The following BAALC variants were observed in gnomAD, a reference collection of about 807,000 sequenced individuals.
BAALC encodes BAALC binder of MAP3K1 and KLF4, also known as brain and acute leukemia cytoplasmic protein.
Under a neutral mutation model 15.5 loss-of-function variants are expected in BAALC, and 9 were observed. The ratio of observed to expected loss-of-function variants is 0.58; its 90% CI spans 0.35 to 1.02. The LOEUF is 1.02. Among genes scored for constraint, BAALC ranks in the 50% least tolerant of loss-of-function variants. The pLI is 0.02. For synonymous variants in BAALC, 80 were observed against 74.6 expected, an observed-to-expected ratio of 1.07 and a Z score of -0.37; for missense variants, 201 against 192.4, an observed-to-expected ratio of 1.04 and a Z score of -0.27.
chr8:103,197,952 A>G (rs1006630137), intron 1 of BAALC: 3 of 563,940 alleles, frequency 5.3e-6, no homozygotes, highest in African/African-American at 3.8e-5. Flanking sequence ...ATCAGCCTTC[A>G]TCCCAACGAT....
chr8:103,208,195 A>G (rs1812371779), intron 1 of BAALC: 1 of 152,268 alleles, frequency 6.6e-6, no homozygotes, highest in Admixed American at 6.5e-5. Flanking sequence ...AATCAGTGCA[A>G]TATGTGTGCA....
chr8:103,223,885 C>T (rs1420475747), intron 2 of BAALC, among the ~76,000 whole-genome samples: 1 of 152,136 alleles, frequency 6.6e-6, no homozygotes, highest in Non-Finnish European at 1.5e-5. Context: ...CTCTTACCTC[C>T]CACCAATTTG....
intron 1 of BAALC, among the ~76,000 whole-genome samples, chr8:103,153,564 A>T (rs1477211761): frequency 6.6e-6 from 1 of 152,232 alleles, no homozygotes; most frequent in Non-Finnish European, 1.5e-5. Flanking sequence ...CGTGAAATGC[A>T]TGGTGGACAT....
chr8:103,224,279 G>C (rs915113941), intron 2 of BAALC, among the ~76,000 whole-genome samples: 1 of 152,118 alleles, frequency 6.6e-6, no homozygotes, highest in African/African-American at 2.4e-5. Flanking sequence ...CACACCCTCA[G>C]GAGGTCCCGA....
intron 1 of BAALC, among the ~76,000 whole-genome samples, chr8:103,197,630 G>T (rs1812124230): frequency 2.6e-5 from 4 of 152,178 alleles, no homozygotes; most frequent in Admixed American, 2.6e-4. Flanking sequence ...TTGGCTCATG[G>T]TTCTGCAGGC....
chr8:103,220,885 G>A (rs2130088042), intron 2 of BAALC, among the ~76,000 whole-genome samples: 1 of 152,290 alleles, frequency 6.6e-6, no homozygotes, highest in South Asian at 2.1e-4. Context: ...CATAATCTCA[G>A]AAGCCATGTT....
chr8:103,178,410 T>C (rs980598887), intron 1 of BAALC, among the ~76,000 whole-genome samples: 7 of 152,162 alleles, frequency 4.6e-5, no homozygotes, highest in African/African-American at 1.7e-4. Flanking sequence ...TGGGGAAATC[T>C]AAATAGGACG....
chr8:103,200,659 T>C (rs1364358939), intron 1 of BAALC: 25 of 694,378 alleles, frequency 3.6e-5, no homozygotes, highest in Non-Finnish European at 1.3e-5. Flanking sequence ...TTCTCACAGT[T>C]CTGGAGGCTG....
At chr8:103,160,491 G>T (rs537241783) in intron 1 of BAALC, among the ~76,000 whole-genome samples, 2 of 152,270 alleles carry the variant, frequency 1.3e-5, no homozygotes, top group Admixed American at 1.3e-4. Context: ...TGTTTTTAAA[G>T]ATTTTTTGGG....
chr8:103,218,523 T>A (rs1239474404), intron 2 of BAALC, among the ~76,000 whole-genome samples: 4 of 152,118 alleles, frequency 2.6e-5, no homozygotes, highest in Admixed American at 6.5e-5. Context: ...CTCTCTAACC[T>A]GAATGTGCCA....
chr8:103,168,507 G>GTT (rs1208866671), intron 1 of BAALC, among the ~76,000 whole-genome samples: 2 of 134,510 alleles, frequency 1.5e-5, no homozygotes, highest in African/African-American at 5.5e-5. Flanking sequence ...AAAAATATGT[G>GTT]TTTGTTTTTT....
intron 1 of BAALC, among the ~76,000 whole-genome samples, chr8:103,142,565 A>G (rs933295489): frequency 6.6e-6 from 1 of 152,226 alleles, no homozygotes; most frequent in Non-Finnish European, 1.5e-5. Flanking sequence ...CAAAGGCCAG[A>G]GATGTACTCC....
chr8:103,214,027 G>A (rs1346315954), intron 2 of BAALC, among the ~76,000 whole-genome samples: 2 of 152,168 alleles, frequency 1.3e-5, no homozygotes, highest in African/African-American at 2.4e-5. Flanking sequence ...AAAGAAGCCG[G>A]GTAATCTAAG....
chr8:103,161,484 G>A (rs1214915735), intron 1 of BAALC, among the ~76,000 whole-genome samples: 2 of 152,064 alleles, frequency 1.3e-5, no homozygotes, highest in African/African-American at 4.8e-5. Context: ...CCTTTTTATA[G>A]CTGCATAGCG....
At chr8:103,179,470 G>A (rs1811678568) in intron 1 of BAALC, among the ~76,000 whole-genome samples, 1 of 152,232 alleles carries the variant, frequency 6.6e-6, no homozygotes, top group African/African-American at 2.4e-5. Context: ...TCACTGTGCT[G>A]AATAGAAGCA....
At chr8:103,200,252 G>C (rs1406968842) in intron 1 of BAALC, among the ~76,000 whole-genome samples, 1 of 152,202 alleles carries the variant, frequency 6.6e-6, no homozygotes, top group Non-Finnish European at 1.5e-5. Flanking sequence ...CTGTTGGTGG[G>C]AATGTAAATT....
rs141473780 is a variant in BAALC at position 103,171,072 on chromosome 8, A to G, written c.160+30015A>G. 7.9e-3 allele frequency among the ~76,000 whole-genome samples: 1,208 copies of G among 152,108 alleles called. 23 individuals carry two copies. The highest frequency in any genetic ancestry group is 0.028 in the African/African-American group (1,153 of 41,478). Reference sequence around the variant, plus strand: ...CTATCAAGCCAAACAGAGCCAGCTGAACACTGAGAAATCTAATCAGAAGAA... The same window carrying G: ...CTATCAAGCCAAACAGAGCCAGCTGGACACTGAGAAATCTAATCAGAAGAA... On this transcript the variant is annotated intron_variant, in intron 1 of 2. Coordinates refer to ENST00000309982, the MANE Select transcript of BAALC (RefSeq NM_024812.3).
At chr8:103,153,659 C>G (rs1388840785) in intron 1 of BAALC, among the ~76,000 whole-genome samples, 2 of 152,174 alleles carry the variant, frequency 1.3e-5, no homozygotes, top group African/African-American at 4.8e-5. Context: ...GCACCAATTT[C>G]CAGTTAGTGG....
intron 1 of BAALC, among the ~76,000 whole-genome samples, chr8:103,211,460 G>A (rs1382322476): frequency 2.0e-5 from 3 of 152,086 alleles, no homozygotes; most frequent in Non-Finnish European, 2.9e-5. Context: ...TCCTCATTTT[G>A]TGGTTATATT....
Sources: gnomAD v4.1 joint callset for allele counts (sites outside exome capture counted in the v4.1 genomes callset) on GRCh38, gnomAD v4.1.1 for gene constraint, MANE v1.5 for transcripts, NCBI Gene and HGNC (gene_info 2026-07-23, HGNC 2026-07-21) for gene names.